The following CEP152 variants were observed in gnomAD, a reference collection of about 807,000 sequenced individuals.
CEP152 encodes the protein centrosomal protein of 152 kDa.
A neutral mutation model predicts 188.9 loss-of-function variants in CEP152; 132 were observed. The observed-to-expected ratio is 0.70, with a 90% CI of 0.61 to 0.81. The LOEUF is 0.81. Among genes scored for constraint, CEP152 ranks in the 30% least tolerant of loss-of-function variants. The pLI, the probability that CEP152 is intolerant of heterozygous loss-of-function variation, is 0.00. For missense variants in CEP152, 1,914 were observed against 1,969.8 expected (o/e 0.97, Z 0.54); for synonymous variants, 649 against 666.6 (o/e 0.97, Z 0.41).
chr15:48,755,432 G>A (rs1473354535), intron 20 of CEP152, among the ~76,000 whole-genome samples: 1 of 151,878 alleles, frequency 6.6e-6, no homozygotes, highest in Non-Finnish European at 1.5e-5. Context: ...AAGTGGTCAG[G>A]CCCAGAAAAC....
At position 48,767,340 on chromosome 15, in the gene CEP152, T is replaced by G; in HGVS notation, c.2142A>C (p.Gln714His). ...LFEAYERTHL[Q>H]LRSELDKLNK... is the part of the protein sequence containing the mutation. ...GCTAAACTCTTTATTCTCACCTCAG[T>G]TGCAAATGAGTTCTCTCATAAGCCT... Residue 714 changes from glutamine to histidine, a missense_variant, in exon 16 of 27, where the codon CAA becomes CAC. Transcript: ENST00000380950. 1 of 1,614,206 alleles carries G rather than the reference T, an allele frequency of 6.2e-7. No homozygotes were observed. Among genetic ancestry groups the G allele is most frequent in the Non-Finnish European group, 8.5e-7 (1 of 1,180,016 alleles).
intron 21 of CEP152, among the ~76,000 whole-genome samples, chr15:48,751,587 G>A (rs1294908056): frequency 6.6e-6 from 1 of 152,172 alleles, no homozygotes; most frequent in African/African-American, 2.4e-5. Context: ...ACTGGCCTTG[G>A]CAATTATTAG....
At chr15:48,803,184 A>T (rs1180137983) in intron 2 of CEP152, among the ~76,000 whole-genome samples, 1 of 152,244 alleles carries the variant, frequency 6.6e-6, no homozygotes, top group South Asian at 2.1e-4. Context: ...GCTAACAGTT[A>T]TAACCTAGCC....
At chr15:48,783,838 C>CT (rs538647422) in intron 10 of CEP152, 135 bp downstream of exon 10, 69 of 514,442 alleles carry the variant, frequency 1.3e-4, no homozygotes, top group African/African-American at 6.5e-4. Context: ...ATATATATTT[C>CT]TTTTTTTTAA....
chr15:48,767,306 T>C, intron 16 of CEP152, 29 bp downstream of exon 16: 1 of 1,614,128 alleles, frequency 6.2e-7, no homozygotes, highest in Non-Finnish European at 8.5e-7. Context: ...CTCTACAGCT[T>C]AAAAGGCAGC....
chr15:48,782,362 T>C (rs1896311141), intron 10 of CEP152, 132 bp from the exon 11 acceptor site: 2 of 764,222 alleles, frequency 2.6e-6, no homozygotes, highest in South Asian at 1.5e-5. Flanking sequence ...CTCTTTAGAA[T>C]ACATAGAGCC....
chr15:48,797,541 T>C lies in CEP152; in HGVS notation c.300A>G (p.Lys100=), dbSNP rs576905317. Reference sequence around the variant, plus strand: ...TATTTTCTTCCCAGACATTACCACATTTTTCTCCAGCATATAAACTCTGAA... The same window carrying C: ...TATTTTCTTCCCAGACATTACCACACTTTTCTCCAGCATATAAACTCTGAA... ...NEIQSLYAGE[K]CGNVWEENRS... Residue 100 remains lysine (K), a synonymous_variant, in exon 5 of 27, where the codon AAA becomes AAG. Coordinates refer to ENST00000380950, the MANE Select transcript of CEP152 (RefSeq NM_001194998.2). The C allele has an allele frequency of 2.5e-6, 4 of 1,614,072 alleles. No homozygotes were observed. The East Asian group carries it at 8.9e-5, about 36-fold the overall frequency.
At chr15:48,802,987 C>G (rs1404040065) in intron 2 of CEP152, among the ~76,000 whole-genome samples, 1 of 152,242 alleles carries the variant, frequency 6.6e-6, no homozygotes, top group African/African-American at 2.4e-5. Context: ...CAGTGAAAAT[C>G]AGGACTATCC....
chr15:48,772,776 G>T, intron 12 of CEP152, 85 bp from the exon 13 acceptor site: 1 of 1,169,548 alleles, frequency 8.6e-7, no homozygotes, highest in Non-Finnish European at 1.3e-6. Flanking sequence ...CCACAGTGGT[G>T]AACATGTTTT....
chr15:48,736,563 T>C (rs1229382822), downstream of CEP152, among the ~76,000 whole-genome samples: 5 of 152,164 alleles, frequency 3.3e-5, no homozygotes, highest in African/African-American at 7.2e-5. Flanking sequence ...GTCCCTTCAT[T>C]TGCACACTAA....
rs762327306 is a variant in CEP152, at chr15:48,797,286, A to C, written c.540+15T>G. 12 of 1,613,668 alleles carry C rather than the reference A, an allele frequency of 7.4e-6. No individual in the cohort carries two copies. The highest frequency in any genetic ancestry group is 2.2e-5 in the East Asian group (1 of 44,892). ...GCACACACACAAGTTCTTGAAAGTC[A>C]AGTTTTTACAATACCTGAAAATGGT... On this transcript the variant is annotated intron_variant, in intron 5 of 26. Coordinates refer to ENST00000380950, the MANE Select transcript of CEP152 (RefSeq NM_001194998.2).
At chr15:48,763,539 T>C (rs1894848238) in intron 17 of CEP152, among the ~76,000 whole-genome samples, 1 of 152,118 alleles carries the variant, frequency 6.6e-6, no homozygotes, top group Non-Finnish European at 1.5e-5. Flanking sequence ...CTGGGTGTGG[T>C]GGCGCTTGCC....
chr15:48,755,876 T>C (rs1379396435), intron 20 of CEP152, 27 bp downstream of exon 20: 21 of 1,612,416 alleles, frequency 1.3e-5, no homozygotes, highest in South Asian at 2.2e-5. Flanking sequence ...TGGTGTTCAA[T>C]ACCTTCTCTC....
At chr15:48,753,514 A>G (rs1048861079) in intron 20 of CEP152, among the ~76,000 whole-genome samples, 2 of 152,206 alleles carry the variant, frequency 1.3e-5, no homozygotes, top group African/African-American at 4.8e-5. Flanking sequence ...ACCTACTTAC[A>G]ATGTCCAACA....
chr15:48,793,273 G>A (rs747580165), intron 7 of CEP152, 48 bp downstream of exon 7: 1 of 1,605,418 alleles, frequency 6.2e-7, no homozygotes, highest in Non-Finnish European at 8.5e-7. Context: ...TTGGAAACAA[G>A]ATATCTAACT....
intron 21 of CEP152, 89 bp downstream of exon 21, chr15:48,752,260 C>T: frequency 6.2e-7 from 1 of 1,607,722 alleles, no homozygotes; most frequent in African/African-American, 1.3e-5. Context: ...CATTTGTTCA[C>T]ATCTATGATC....
intron 1 of CEP152, chr15:48,810,687 G>C (rs1898273572): frequency 6.6e-6 from 1 of 152,422 alleles, no homozygotes; most frequent in South Asian, 2.1e-4. Context: ...GGTGACCAAG[G>C]CGGGGTCCGC....
downstream of CEP152, among the ~76,000 whole-genome samples, chr15:48,734,114 T>C (rs1892514798): frequency 6.6e-6 from 1 of 151,944 alleles, no homozygotes. Flanking sequence ...TAAAGAACTA[T>C]AAATATACAT....
chr15:48,762,257 A>G, intron 18 of CEP152, 134 bp downstream of exon 18: 1 of 857,048 alleles, frequency 1.2e-6, no homozygotes, highest in Non-Finnish European at 1.8e-6. Flanking sequence ...GGAACATGAC[A>G]GGTTTTCTAT....
Sources: allele counts gnomAD v4.1 joint callset (sites outside exome capture counted in the v4.1 genomes callset), GRCh38; gene constraint gnomAD v4.1.1; transcripts MANE v1.5; gene names NCBI Gene and HGNC (gene_info 2026-07-23, HGNC 2026-07-21).